TP63: variants seen among roughly 807,000 people sequenced by gnomAD.
TP63 encodes tumor protein 63.
In TP63, 17 loss-of-function variants were observed where a neutral mutation model predicts 82.8. The observed-to-expected ratio is 0.21, with a 90% CI of 0.14 to 0.31. The LOEUF (loss-of-function observed/expected upper bound fraction) is 0.31. TP63 is among the 10% of genes least tolerant of loss of function. The pLI is 1.00. For synonymous variants in TP63, 330 were observed against 321.7 expected (o/e 1.03, Z -0.28); for missense variants, 648 against 895.3 (o/e 0.72, Z 3.52).
intron 1 of TP63, among the ~76,000 whole-genome samples, chr3:189,716,313 C>A (rs889018441): frequency 1.3e-5 from 2 of 152,058 alleles, no homozygotes; most frequent in African/African-American, 2.4e-5. Flanking sequence ...CAGGGGATAG[C>A]ATATTTGTTC....
intron 4 of TP63, chr3:189,844,319 G>A (rs1226166894): frequency 2.5e-6 from 1 of 403,560 alleles, no homozygotes; most frequent in Non-Finnish European, 5.1e-6. Flanking sequence ...TTACAGGCAC[G>A]CGCCACCACG....
intron 1 of TP63, among the ~76,000 whole-genome samples, chr3:189,717,025 C>A (rs1719016955): frequency 6.6e-6 from 1 of 152,120 alleles, no homozygotes; most frequent in South Asian, 2.1e-4. Context: ...CTAGAACTCC[C>A]AACCTCAGGT....
chr3:189,832,525 T>C (rs565908687), intron 4 of TP63, among the ~76,000 whole-genome samples: 2 of 152,356 alleles, frequency 1.3e-5, no homozygotes, highest in African/African-American at 4.8e-5. Flanking sequence ...TCTTGACTTA[T>C]TCCTTCATTT....
intron 1 of TP63, among the ~76,000 whole-genome samples, chr3:189,708,221 A>G (rs1718341494): frequency 6.6e-6 from 1 of 152,218 alleles, no homozygotes; most frequent in African/African-American, 2.4e-5. Flanking sequence ...ACAATCTTTT[A>G]ACTTCGAACT....
intron 4 of TP63, among the ~76,000 whole-genome samples, chr3:189,843,910 G>C (rs187003064): frequency 5.3e-5 from 8 of 152,232 alleles, no homozygotes; most frequent in Admixed American, 5.2e-4. Context: ...ATGTAGTTTA[G>C]AAATAGAATG....
intron 4 of TP63, among the ~76,000 whole-genome samples, chr3:189,810,092 G>A (rs1186661619): frequency 2.0e-5 from 3 of 152,180 alleles, no homozygotes; most frequent in Non-Finnish European, 4.4e-5. Flanking sequence ...TGTAGAGCAT[G>A]AACATCAGCT....
intron 3 of TP63, among the ~76,000 whole-genome samples, chr3:189,742,243 C>CAAAA (rs140413709): frequency 2.6e-5 from 2 of 77,600 alleles, no homozygotes; most frequent in Admixed American, 1.7e-4. Flanking sequence ...AACTCCATCC[C>CAAAA]AAAAAAAAAA....
intron 3 of TP63, chr3:189,789,741 G>A (rs754130940): frequency 9.3e-5 from 143 of 1,543,570 alleles, no homozygotes; most frequent in Non-Finnish European, 1.2e-4. Context: ...GGGTGGGGGG[G>A]TTGGCAAAAT....
intron 1 of TP63, among the ~76,000 whole-genome samples, chr3:189,718,685 T>A (rs1481607598): frequency 6.6e-6 from 1 of 151,912 alleles, no homozygotes; most frequent in Non-Finnish European, 1.5e-5. Flanking sequence ...AGAAATTCAA[T>A]GTTTCAATTG....
At chr3:189,785,202 G>T (rs1411848614) in intron 3 of TP63, among the ~76,000 whole-genome samples, 1 of 151,852 alleles carries the variant, frequency 6.6e-6, no homozygotes, top group Non-Finnish European at 1.5e-5. Context: ...AAGATCAAAA[G>T]GCATCTCTCT....
chr3:189,800,463 G>A (rs1352322895), intron 3 of TP63, among the ~76,000 whole-genome samples: 1 of 137,914 alleles, frequency 7.3e-6, no homozygotes, highest in Admixed American at 7.9e-5. Context: ...TTTATATCCT[G>A]TCTTTAATGA....
chr3:189,673,659 C>A lies in TP63; in HGVS notation c.62+42082C>A, dbSNP rs571022700. Among the ~76,000 whole-genome samples, 13 of 152,178 alleles carry A rather than the reference C, an allele frequency of 8.5e-5. 1 individual carries two copies. In the South Asian group the frequency reaches 2.7e-3, roughly 32 times the overall value. On this transcript the variant is annotated intron_variant, in intron 1 of 13. Transcript: ENST00000264731. ...CAAAAAGATAGGCAGGACATTTATA[C>A]TGAAACATTGATGAGATAAATTTAA...
At chr3:189,784,400 G>A (rs1724444973) in intron 3 of TP63, among the ~76,000 whole-genome samples, 1 of 152,072 alleles carries the variant, frequency 6.6e-6, no homozygotes, top group Non-Finnish European at 1.5e-5. Context: ...ATGAAGCAGT[G>A]TTTGTAGATT....
chr3:189,621,526 G>A, the TP63 span, among the ~76,000 whole-genome samples: 1 of 151,578 alleles, frequency 6.6e-6, no homozygotes, highest in Non-Finnish European at 1.5e-5. Context: ...TATATATAGA[G>A]AGAAATATAC....
At chr3:189,874,324 G>A (rs377056744) in intron 10 of TP63, among the ~76,000 whole-genome samples, 1 of 152,148 alleles carries the variant, frequency 6.6e-6, no homozygotes, top group African/African-American at 2.4e-5. Context: ...CACCCACCTC[G>A]GCTTCCCAGA....
intron 1 of TP63, among the ~76,000 whole-genome samples, chr3:189,655,540 T>C (rs896835331): frequency 6.6e-6 from 1 of 152,070 alleles, no homozygotes; most frequent in Non-Finnish European, 1.5e-5. Flanking sequence ...GAGAATTGCT[T>C]GAACCCAGGA....
At chr3:189,868,763 G>A (rs769541877) in intron 8 of TP63, 47 bp downstream of exon 8, 6 of 1,612,800 alleles carry the variant, frequency 3.7e-6, no homozygotes, top group Middle Eastern at 1.7e-4. Flanking sequence ...ATCTTCTCCA[G>A]ATGTTGGAGA....
intron 9 of TP63, 134 bp downstream of exon 9, chr3:189,869,540 A>T: frequency 1.3e-6 from 1 of 772,262 alleles, no homozygotes; most frequent in East Asian, 2.7e-5. Context: ...TGCTACAACA[A>T]ACTACCGTAG....
intron 4 of TP63, among the ~76,000 whole-genome samples, chr3:189,853,648 C>G (rs1307020307): frequency 6.6e-6 from 1 of 152,196 alleles, no homozygotes; most frequent in African/African-American, 2.4e-5. Flanking sequence ...TATACTCTAT[C>G]CCCTTTGAAT....
Sources: gnomAD v4.1 joint callset for allele counts (sites outside exome capture counted in the v4.1 genomes callset) on GRCh38, gnomAD v4.1.1 for gene constraint, MANE v1.5 for transcripts, NCBI Gene and HGNC (gene_info 2026-07-23, HGNC 2026-07-21) for gene names.